The following EPM2A variants were observed in gnomAD, a reference collection of about 807,000 sequenced individuals.
EPM2A encodes laforin.
EPM2A carries 21 observed loss-of-function variants against 26.5 expected under a neutral mutation model. That is an observed-to-expected ratio of 0.79 (90% CI 0.56 to 1.14). The LOEUF (loss-of-function observed/expected upper bound fraction) is 1.14, where lower values mean the gene tolerates loss of function less well. Ranked by LOEUF, EPM2A falls within the 50% of genes most tolerant of loss-of-function variation. EPM2A has a pLI of 0.00. For missense variants in EPM2A, 458 were observed against 440.8 expected, an observed-to-expected ratio of 1.04 and a Z score of -0.35; for synonymous variants, 217 against 177.6, an observed-to-expected ratio of 1.22 and a Z score of -1.76.
At chr6:145,447,698 T>C (rs1284733374) in intron 4 of EPM2A, among the ~76,000 whole-genome samples, 2 of 152,110 alleles carry the variant, frequency 1.3e-5, no homozygotes, top group Non-Finnish European at 2.9e-5. Context: ...AAGAACTCTT[T>C]AATAAACTTT....
intron 2 of EPM2A, among the ~76,000 whole-genome samples, chr6:145,611,460 T>C (rs1030931327): frequency 3.3e-5 from 5 of 151,964 alleles, no homozygotes; most frequent in Non-Finnish European, 5.9e-5. Flanking sequence ...ATCAGCTTAA[T>C]AGATTAATAA....
At chr6:145,474,029 T>C (rs1779509457) in intron 4 of EPM2A, among the ~76,000 whole-genome samples, 1 of 152,148 alleles carries the variant, frequency 6.6e-6, no homozygotes, top group African/African-American at 2.4e-5. Flanking sequence ...ATTATAACAC[T>C]GTACCTGCAA....
chr6:145,560,608 C>A (rs994380825), intron 2 of EPM2A, among the ~76,000 whole-genome samples: 2 of 152,110 alleles, frequency 1.3e-5, no homozygotes, highest in African/African-American at 4.8e-5. Context: ...TCATGCTATA[C>A]AAATTAATTT....
Position 145,635,024 on chromosome 6 carries a change from A to G in EPM2A, c.718+221T>C. 9.8e-6 allele frequency: 5 copies of G among 508,966 alleles called. No homozygotes were observed. The South Asian group carries it at 1.2e-4, about 12-fold the overall frequency. The allele number at this position is 508,966 out of a possible 1,614,324, so 31.5% of individuals were successfully genotyped here. A position where few individuals can be genotyped will look rare whatever the true frequency, so the allele number is the denominator to read the frequency against. On this transcript the variant is annotated intron_variant, in intron 3 of 3. Coordinates refer to ENST00000367519, the MANE Select transcript of EPM2A (RefSeq NM_005670.4). ...TAGCATAATGCCGCATACCCAGTAC[A>G]TACACAATAAATATGTGTTGAATGA...
chr6:145,538,289 C>T (rs537765672), intron 2 of EPM2A, among the ~76,000 whole-genome samples: 1 of 151,894 alleles, frequency 6.6e-6, no homozygotes, highest in African/African-American at 2.4e-5. Flanking sequence ...TGAGTTCATG[C>T]ACTGTGGGAA....
intron 4 of EPM2A, among the ~76,000 whole-genome samples, chr6:145,488,895 G>A (rs571147405): frequency 1.3e-5 from 2 of 152,152 alleles, no homozygotes; most frequent in South Asian, 2.1e-4. Context: ...TTTCTTAACC[G>A]AACTTAAGCG....
chr6:145,627,617 G>C lies in EPM2A; in HGVS notation c.795C>G (p.His265Gln). The change falls in exon 4 of 4, where the codon CAC becomes CAG. Residue 265 changes from histidine (H) to glutamine (Q), a missense_variant. Coordinates refer to ENST00000367519, the MANE Select transcript of EPM2A (RefSeq NM_005670.4). ...LLEKGHIVYVHCNAGVGRSTA... is the reference protein window; with the variant it reads ...LLEKGHIVYVQCNAGVGRSTA... ...TGGAGCGGCCCACCCCAGCGTTGCA[G>C]TGCACGTACACGATGTGTCCCTTCT... is the stretch of plus-strand genomic sequence containing the variant. 2 of 1,614,222 alleles carry C rather than the reference G, an allele frequency of 1.2e-6. No individual in the cohort carries two copies. The highest frequency in any genetic ancestry group is 1.7e-6 in the Non-Finnish European group (2 of 1,180,048).
At chr6:145,511,209 T>C (rs1780050607) in intron 2 of EPM2A, among the ~76,000 whole-genome samples, 1 of 152,146 alleles carries the variant, frequency 6.6e-6, no homozygotes, top group South Asian at 2.1e-4. Flanking sequence ...TACCAATTTA[T>C]ATTCCAAAAA....
intron 1 of EPM2A, among the ~76,000 whole-genome samples, chr6:145,717,578 C>T (rs1775704015): frequency 6.6e-6 from 1 of 152,188 alleles, no homozygotes; most frequent in African/African-American, 2.4e-5. Context: ...TGCCCTCTCT[C>T]ACCGCTCCTA....
intron 4 of EPM2A, among the ~76,000 whole-genome samples, chr6:145,446,048 T>C (rs557403276): frequency 6.6e-6 from 1 of 152,310 alleles, no homozygotes; most frequent in East Asian, 1.9e-4. Flanking sequence ...AAGTTGCTCT[T>C]GTTAACAGCC....
intron 4 of EPM2A, among the ~76,000 whole-genome samples, chr6:145,420,899 A>T (rs1432214016): frequency 6.6e-6 from 1 of 152,122 alleles, no homozygotes; most frequent in Non-Finnish European, 1.5e-5. Flanking sequence ...ACGCACTCCC[A>T]AGATAACTAA....
At chr6:145,513,966 C>A (rs1330752762) in intron 2 of EPM2A, among the ~76,000 whole-genome samples, 1 of 152,188 alleles carries the variant, frequency 6.6e-6, no homozygotes, top group Non-Finnish European at 1.5e-5. Context: ...TATCTATTGA[C>A]TGAAGCTCAG....
intron 2 of EPM2A, among the ~76,000 whole-genome samples, chr6:145,642,538 A>G (rs1582950646): frequency 6.6e-6 from 1 of 152,316 alleles, no homozygotes; most frequent in East Asian, 1.9e-4. Context: ...TTTGATGAAG[A>G]CAGGCAACAA....
intron 2 of EPM2A, among the ~76,000 whole-genome samples, chr6:145,534,842 A>T (rs1780409748): frequency 6.6e-6 from 1 of 152,214 alleles, no homozygotes; most frequent in Admixed American, 6.5e-5. Context: ...ACTAAAAGGC[A>T]CAATAAGTTC....
chr6:145,724,897 T>G (rs1776119940), intron 1 of EPM2A, among the ~76,000 whole-genome samples: 1 of 151,764 alleles, frequency 6.6e-6, no homozygotes, highest in Non-Finnish European at 1.5e-5. Flanking sequence ...AAAAATAACA[T>G]AGGAGAAAAA....
At chr6:145,614,983 A>C (rs1775474136) in intron 2 of EPM2A, among the ~76,000 whole-genome samples, 2 of 152,246 alleles carry the variant, frequency 1.3e-5, no homozygotes, top group Admixed American at 6.5e-5. Flanking sequence ...AGGGAAGCAC[A>C]GTCAAACAAG....
chr6:145,385,639 CAT>C (rs1486219712), intron 4 of EPM2A, among the ~76,000 whole-genome samples: 2 of 152,022 alleles, frequency 1.3e-5, no homozygotes, highest in African/African-American at 4.8e-5. Flanking sequence ...AAAAATTGGA[CAT>C]AATTTAAAAA....
intron 2 of EPM2A, among the ~76,000 whole-genome samples, chr6:145,677,117 G>T (rs1780110407): frequency 6.6e-6 from 1 of 152,138 alleles, no homozygotes; most frequent in African/African-American, 2.4e-5. Context: ...TGGGATGCAA[G>T]CCTCATTCAA....
At chr6:145,509,369 C>T (rs533297682) in intron 2 of EPM2A, among the ~76,000 whole-genome samples, 7 of 152,192 alleles carry the variant, frequency 4.6e-5, no homozygotes, top group African/African-American at 1.4e-4. Flanking sequence ...TAAAGGGGAA[C>T]CCAACAGACT....
Sources: gnomAD v4.1 joint callset for allele counts (sites outside exome capture counted in the v4.1 genomes callset) on GRCh38, gnomAD v4.1.1 for gene constraint, MANE v1.5 for transcripts, NCBI Gene and HGNC (gene_info 2026-07-23, HGNC 2026-07-21) for gene names.